AKAP19: variants seen among roughly 807,000 people sequenced by gnomAD.
The protein encoded by AKAP19 is A-kinase anchoring protein 19.
the AKAP19 span, among the ~76,000 whole-genome samples, chr2:190,094,530 A>T: frequency 6.6e-6 from 1 of 152,198 alleles, no homozygotes; most frequent in Non-Finnish European, 1.5e-5. Flanking sequence ...ACAGCAGGGG[A>T]GTGGAGTTCA....
the AKAP19 span, among the ~76,000 whole-genome samples, chr2:189,988,146 T>C: frequency 1.3e-5 from 2 of 152,238 alleles, no homozygotes; most frequent in South Asian, 4.1e-4. Flanking sequence ...GGTGGGGCCA[T>C]CTGGTTGTTA....
the AKAP19 span, chr2:190,201,837 A>G: frequency 6.0e-6 from 1 of 167,084 alleles, no homozygotes; most frequent in African/African-American, 2.4e-5. Context: ...AAAGTTTCCC[A>G]TAAGTATAAA....
the AKAP19 span, chr2:190,056,104 AC>A: frequency 6.6e-6 from 1 of 152,366 alleles, no homozygotes; most frequent in Non-Finnish European, 1.5e-5. Context: ...TTGTAATATA[AC>A]CATCTAATCA....
At chr2:189,976,863 G>A in the AKAP19 span, among the ~76,000 whole-genome samples, 1,771 of 152,228 alleles carry the variant, frequency 0.012, 31 homozygotes, top group African/African-American at 0.04. Flanking sequence ...CAATTTTCCC[G>A]GTGCCGTCTG....
the AKAP19 span, among the ~76,000 whole-genome samples, chr2:190,197,467 T>C: frequency 1.3e-5 from 2 of 152,186 alleles, no homozygotes; most frequent in Admixed American, 1.3e-4. The surrounding 1 kb of genome is among the most constrained non-coding windows in gnomAD (Gnocchi z 4.0). Flanking sequence ...CCAGTACCCT[T>C]GCCAAGTCTC....
chr2:190,133,318 C>T, the AKAP19 span, among the ~76,000 whole-genome samples: 1 of 133,290 alleles, frequency 7.5e-6, no homozygotes, highest in Non-Finnish European at 1.6e-5. Flanking sequence ...AATGACCAAA[C>T]AGGTATATGA....
chr2:190,194,282 T>A, the AKAP19 span, among the ~76,000 whole-genome samples: 1 of 152,182 alleles, frequency 6.6e-6, no homozygotes, highest in Non-Finnish European at 1.5e-5. Flanking sequence ...AGAACACGTA[T>A]TTTTTCTTTG....
chr2:189,903,107 A>G, the AKAP19 span, among the ~76,000 whole-genome samples: 1 of 151,932 alleles, frequency 6.6e-6, no homozygotes, highest in East Asian at 1.9e-4. Context: ...TTATTTATAA[A>G]TGGAAAATCA....
the AKAP19 span, among the ~76,000 whole-genome samples, chr2:189,968,330 T>C: frequency 1.3e-5 from 2 of 152,148 alleles, no homozygotes; most frequent in Admixed American, 6.5e-5. Context: ...CTCAAATTCC[T>C]GGACTCAGGC....
chr2:190,023,818 TAC>T, the AKAP19 span, among the ~76,000 whole-genome samples: 21 of 146,516 alleles, frequency 1.4e-4, no homozygotes, highest in Middle Eastern at 3.6e-3. Flanking sequence ...TATATATATA[TAC>T]ATATATATAC....
chr2:189,948,953 G>T, the AKAP19 span, among the ~76,000 whole-genome samples: 1 of 151,768 alleles, frequency 6.6e-6, no homozygotes, highest in South Asian at 2.1e-4. Flanking sequence ...TTCTTATGTG[G>T]TTTTATTTTA....
At chr2:189,924,952 TG>T in the AKAP19 span, among the ~76,000 whole-genome samples, 1 of 152,150 alleles carries the variant, frequency 6.6e-6, no homozygotes, top group African/African-American at 2.4e-5. Flanking sequence ...CTGTTAACCA[TG>T]AGCTCAATGT....
At chr2:190,018,063 T>C in the AKAP19 span, among the ~76,000 whole-genome samples, 1 of 152,166 alleles carries the variant, frequency 6.6e-6, no homozygotes, top group African/African-American at 2.4e-5. Context: ...TATCTCTTCC[T>C]GTTTTCACAA....
chr2:189,914,149 T>G, the AKAP19 span, among the ~76,000 whole-genome samples: 1 of 152,064 alleles, frequency 6.6e-6, no homozygotes, highest in Admixed American at 6.5e-5. Context: ...CACAATATAG[T>G]GATTAAATAT....
the AKAP19 span, chr2:189,931,081 A>C: frequency 6.8e-6 from 3 of 443,106 alleles, no homozygotes; most frequent in African/African-American, 6.2e-5. Flanking sequence ...CTTGAAATTA[A>C]TAAGTATGTG....
chr2:189,952,196 AT>A, the AKAP19 span, among the ~76,000 whole-genome samples: 1 of 152,208 alleles, frequency 6.6e-6, no homozygotes, highest in Non-Finnish European at 1.5e-5. Context: ...GCTCCCATGC[AT>A]GTAAAAATAT....
chr2:189,928,024 C>T, the AKAP19 span, among the ~76,000 whole-genome samples: 134 of 152,144 alleles, frequency 8.8e-4, no homozygotes, highest in African/African-American at 2.6e-3. Context: ...GGAATGATTG[C>T]GCAATCAAGT....
chr2:190,169,913 A>C, the AKAP19 span, among the ~76,000 whole-genome samples: 1 of 152,224 alleles, frequency 6.6e-6, no homozygotes. Flanking sequence ...CTGCCAAGAC[A>C]CTTGTTTGTC....
At chr2:190,200,676 A>G in the AKAP19 span, 1 of 169,822 alleles carries the variant, frequency 5.9e-6, no homozygotes, top group Non-Finnish European at 1.4e-5. Context: ...ATAAGATAAG[A>G]TATTTATTTT....
Sources: gnomAD v4.1 joint callset for allele counts (sites outside exome capture counted in the v4.1 genomes callset) on GRCh38, gnomAD v4.1.1 for gene constraint, Gnocchi (gnomAD v3.1) non-coding constraint, MANE v1.5 for transcripts, NCBI Gene and HGNC (gene_info 2026-07-23, HGNC 2026-07-21) for gene names.